Variants in PDE10A observed in about 807,000 individuals in gnomAD.
PDE10A encodes the protein phosphodiesterase 10A.
Under a neutral mutation model 97.7 loss-of-function variants are expected in PDE10A, and 39 were observed. That is an observed-to-expected ratio of 0.40 (90% CI 0.31 to 0.52). The LOEUF is 0.52. Ranked by LOEUF, PDE10A falls within the 20% of genes least tolerant of loss-of-function variation. The probability of loss-of-function intolerance (pLI) is 0.56; values close to 1 mark genes in which losing one functional copy is unlikely to be tolerated. For missense variants in PDE10A, 731 were observed against 1,047.8 expected, an observed-to-expected ratio of 0.70 and a Z score of 4.17; for synonymous variants, 371 against 376.8, an observed-to-expected ratio of 0.98 and a Z score of 0.18.
chr6:165,331,919 A>ATT lies in PDE10A; in HGVS notation c.*1105_*1106insAA, dbSNP rs1781365360. 1 of 152,238 alleles carries ATT rather than the reference A, an allele frequency of 6.6e-6. No homozygotes were observed. 9.4% of individuals were successfully genotyped at this position (152,238 alleles called of 1,614,324 possible). A position where few individuals can be genotyped will look rare whatever the true frequency, so the allele number is the denominator to read the frequency against. On this transcript the variant is annotated 3_prime_UTR_variant, in exon 22 of 22. Transcript: ENST00000539869. ...TCTGCTCTGTTTCTGTGCTATGGAC[A>ATT]GAAAGCTCATGAAATACGACCGTGC... is the stretch of plus-strand genomic sequence containing the variant.
chr6:165,612,115 C>T (rs1340358698), intron 1 of PDE10A, among the ~76,000 whole-genome samples: 1 of 152,178 alleles, frequency 6.6e-6, no homozygotes, highest in African/African-American at 2.4e-5. Context: ...CCCATCCATG[C>T]TAAATTGACT....
chr6:165,568,956 A>G (rs1784921562), intron 1 of PDE10A, among the ~76,000 whole-genome samples: 1 of 152,322 alleles, frequency 6.6e-6, no homozygotes, highest in Non-Finnish European at 1.5e-5. Flanking sequence ...CGTTAGTGAC[A>G]AGTAGCTACT....
At chr6:165,648,261 C>G (rs1455932409) in intron 1 of PDE10A, among the ~76,000 whole-genome samples, 2 of 152,140 alleles carry the variant, frequency 1.3e-5, no homozygotes, top group African/African-American at 4.8e-5. Context: ...ATCCACCCAC[C>G]TCGGCCTCCC....
At chr6:165,817,638 C>G (rs1186812887) in intron 1 of PDE10A, among the ~76,000 whole-genome samples, 1 of 152,150 alleles carries the variant, frequency 6.6e-6, no homozygotes, top group African/African-American at 2.4e-5. Flanking sequence ...GCAACAGAGC[C>G]CGGCTCAGTC....
intron 1 of PDE10A, among the ~76,000 whole-genome samples, chr6:165,610,662 C>T (rs1787451176): frequency 6.6e-6 from 1 of 152,138 alleles, no homozygotes; most frequent in Admixed American, 6.5e-5. Flanking sequence ...TAACACAATG[C>T]CCAGCTTGTA....
chr6:165,660,777 G>T (rs1028926825), intron 1 of PDE10A: 12 of 152,336 alleles, frequency 7.9e-5, no homozygotes, highest in African/African-American at 2.9e-4. Context: ...TCCTGAGCGA[G>T]GCGCAGACAA....
chr6:165,670,981 T>C (rs1487076184), intron 1 of PDE10A, among the ~76,000 whole-genome samples: 1 of 152,234 alleles, frequency 6.6e-6, no homozygotes, highest in Non-Finnish European at 1.5e-5. Context: ...CATTGCCTTC[T>C]AATTTTTGGA....
At chr6:165,376,503 AG>A (rs2128205571) in intron 18 of PDE10A, among the ~76,000 whole-genome samples, 1 of 152,340 alleles carries the variant, frequency 6.6e-6, no homozygotes, top group Non-Finnish European at 1.5e-5. Context: ...CTAATGTTGA[AG>A]GAAGTTCTAC....
Position 165,404,978 on chromosome 6 carries a change from C to T in PDE10A, c.2077-8519G>A, listed in dbSNP as rs562751207. ...ACTTTCTTAAAGACAGGCCCAAGCA[C>T]CTACTGTCTATGGCACCATAGAGAG... On this transcript the variant is annotated intron_variant, in intron 13 of 21. Coordinates refer to ENST00000539869, the MANE Select transcript of PDE10A (RefSeq NM_001385079.1). 6.6e-5 allele frequency among the ~76,000 whole-genome samples: 10 copies of T among 152,228 alleles called. 1 individual carries two copies. The highest frequency in any genetic ancestry group is 6.5e-4 in the Admixed American group (10 of 15,296).
chr6:165,532,956 A>C (rs1225154925), intron 2 of PDE10A, among the ~76,000 whole-genome samples: 1 of 152,184 alleles, frequency 6.6e-6, no homozygotes, highest in Non-Finnish European at 1.5e-5. Flanking sequence ...AGCACAAGAA[A>C]TACTACTCTG....
At chr6:165,363,457 G>A (rs1272239875) in intron 18 of PDE10A, among the ~76,000 whole-genome samples, 2 of 152,066 alleles carry the variant, frequency 1.3e-5, no homozygotes, top group Admixed American at 6.5e-5. Flanking sequence ...GGAGGGTGCA[G>A]TGAGCTGAGA....
At chr6:165,768,024 G>T (rs913507263) in intron 1 of PDE10A, among the ~76,000 whole-genome samples, 1 of 152,140 alleles carries the variant, frequency 6.6e-6, no homozygotes, top group Non-Finnish European at 1.5e-5. Flanking sequence ...TTGTATTTCC[G>T]TAAAGACTGA....
intron 3 of PDE10A, among the ~76,000 whole-genome samples, chr6:165,481,246 C>T (rs1779589959): frequency 6.6e-6 from 1 of 152,186 alleles, no homozygotes; most frequent in South Asian, 2.1e-4. Flanking sequence ...TCTGTCACTT[C>T]CTGGTACCTT....
At chr6:165,571,007 G>A (rs188004683) in intron 1 of PDE10A, among the ~76,000 whole-genome samples, 1 of 152,274 alleles carries the variant, frequency 6.6e-6, no homozygotes, top group Non-Finnish European at 1.5e-5. Flanking sequence ...GTAAGCAAAT[G>A]AGCAAATACA....
intron 1 of PDE10A, among the ~76,000 whole-genome samples, chr6:165,559,594 C>T (rs539131351): frequency 3.0e-4 from 45 of 152,280 alleles, no homozygotes; most frequent in African/African-American, 1.0e-3. Context: ...CATCAAGATT[C>T]AAAACCACCA....
chr6:165,919,305 A>G (rs1365541927), intron 1 of PDE10A, among the ~76,000 whole-genome samples: 1 of 152,152 alleles, frequency 6.6e-6, no homozygotes, highest in Non-Finnish European at 1.5e-5. Context: ...CACTGGGCCC[A>G]CCACATGGGG....
intron 2 of PDE10A, among the ~76,000 whole-genome samples, chr6:165,529,029 T>C (rs560509592): frequency 2.6e-5 from 4 of 152,152 alleles, no homozygotes; most frequent in African/African-American, 7.2e-5. Flanking sequence ...AATTTTTGCT[T>C]CCTGTTCCTG....
At chr6:165,509,782 G>T (rs1317523098) in intron 2 of PDE10A, among the ~76,000 whole-genome samples, 1 of 151,644 alleles carries the variant, frequency 6.6e-6, no homozygotes, top group Non-Finnish European at 1.5e-5. Context: ...TCCTTATACA[G>T]AGATCTCTCA....
chr6:165,703,987 T>C (rs1040455471), intron 1 of PDE10A, among the ~76,000 whole-genome samples: 2 of 152,180 alleles, frequency 1.3e-5, no homozygotes, highest in African/African-American at 4.8e-5. Flanking sequence ...CAGCATTTTC[T>C]TTTCCCACAC....
Sources: allele counts gnomAD v4.1 joint callset (sites outside exome capture counted in the v4.1 genomes callset), GRCh38; gene constraint gnomAD v4.1.1; transcripts MANE v1.5; gene names NCBI Gene and HGNC (gene_info 2026-07-23, HGNC 2026-07-21).